The following COMMD1 variants were observed in gnomAD, a reference collection of about 807,000 sequenced individuals.
COMMD1 encodes copper metabolism domain containing 1, also known as COMM domain-containing protein 1.
A neutral mutation model predicts 17.2 loss-of-function variants in COMMD1; 10 were observed. The ratio of observed to expected loss-of-function variants is 0.58; its 90% confidence interval spans 0.36 to 0.99. The LOEUF is 0.99. COMMD1 is among the 50% of genes least tolerant of loss of function. COMMD1 has a pLI of 0.01. For missense variants in COMMD1, 270 were observed against 231.8 expected (o/e 1.17, Z -1.07); for synonymous variants, 97 against 91.6 (o/e 1.06, Z -0.34).
chr2:62,100,373 C>G (rs1404106651), intron 2 of COMMD1: 1 of 152,118 alleles, frequency 6.6e-6, no homozygotes, highest in African/African-American at 2.4e-5. Context: ...TATTCTGAGC[C>G]AAATATGAGT....
chr2:61,932,882 A>G (rs1444440832), intron 1 of COMMD1, among the ~76,000 whole-genome samples: 1 of 152,216 alleles, frequency 6.6e-6, no homozygotes, highest in East Asian at 1.9e-4. Flanking sequence ...GTGCTCTTTC[A>G]GCTCTCCTGT....
intron 1 of COMMD1, among the ~76,000 whole-genome samples, chr2:61,939,326 C>T (rs1263203334): frequency 6.6e-6 from 1 of 150,436 alleles, no homozygotes; most frequent in Non-Finnish European, 1.5e-5. Flanking sequence ...ATTAGCTGGG[C>T]ATGGTGGCAG....
intron 2 of COMMD1, among the ~76,000 whole-genome samples, chr2:62,071,364 G>T (rs1671194325): frequency 6.6e-6 from 1 of 152,230 alleles, no homozygotes; most frequent in South Asian, 2.1e-4. Context: ...GACTTGGAGG[G>T]ATTTGTCTGG....
chr2:61,923,608 A>T (rs1166586982), intron 1 of COMMD1, among the ~76,000 whole-genome samples: 1 of 152,136 alleles, frequency 6.6e-6, no homozygotes, highest in African/African-American at 2.4e-5. Flanking sequence ...GTCCAAGGAT[A>T]CCAAGGTCAC....
At chr2:61,888,875 G>C (rs1669338232) in intron 1 of COMMD1, 5 of 253,762 alleles carry the variant, frequency 2.0e-5, no homozygotes, top group African/African-American at 6.9e-5. Flanking sequence ...ACTCCACCTT[G>C]CACGGCTATG....
chr2:62,066,899 T>C (rs1337947144), intron 2 of COMMD1, among the ~76,000 whole-genome samples: 1 of 151,500 alleles, frequency 6.6e-6, no homozygotes, highest in East Asian at 2.0e-4. Context: ...CTAAGTTTTG[T>C]ATTTTTAGTA....
intron 2 of COMMD1, among the ~76,000 whole-genome samples, chr2:62,127,203 A>G (rs562891141): frequency 6.6e-6 from 1 of 152,218 alleles, no homozygotes; most frequent in Admixed American, 6.5e-5. Context: ...AGAACTACAG[A>G]CCACTGCTCA....
intron 1 of COMMD1, among the ~76,000 whole-genome samples, chr2:61,919,143 C>T (rs923512559): frequency 3.9e-5 from 6 of 152,140 alleles, no homozygotes; most frequent in Non-Finnish European, 7.3e-5. Context: ...TCCCGTGTAG[C>T]TGGGATTACA....
At chr2:61,916,767 T>G (rs536823407) in intron 1 of COMMD1, among the ~76,000 whole-genome samples, 19 of 152,244 alleles carry the variant, frequency 1.2e-4, no homozygotes. Context: ...TCAACTGTGA[T>G]TTTAAAATGC....
chr2:62,087,737 A>T (rs1442336227), intron 2 of COMMD1, among the ~76,000 whole-genome samples: 1 of 152,208 alleles, frequency 6.6e-6, no homozygotes, highest in African/African-American at 2.4e-5. Flanking sequence ...ACAAGAGTGA[A>T]ACTCCCTCTC....
In COMMD1 at chr2:61,905,780, G is replaced by T. The variant is rs764015502; in HGVS notation, c.102G>T (p.Leu34=). ...FHGYPGITEE[L]LRSQLYPEVP... is the part of the protein sequence containing the mutation. ...GGTACCCCGGCATCACAGAGGAGCT[G>T]CTACGGAGCCAGCTATATCCAGAGG... is the stretch of plus-strand genomic sequence containing the variant. The change falls in exon 1 of 3, where the codon CTG becomes CTT. Residue 34 remains leucine, a synonymous_variant. Coordinates refer to ENST00000311832, the MANE Select transcript of COMMD1 (RefSeq NM_152516.4). The T allele has an allele frequency of 1.9e-6, 3 of 1,614,068 alleles. No individual in the cohort carries two copies.
intron 2 of COMMD1, among the ~76,000 whole-genome samples, chr2:62,111,107 C>T (rs770401885): frequency 1.6e-4 from 24 of 152,096 alleles, no homozygotes; most frequent in Non-Finnish European, 3.4e-4. Flanking sequence ...GATATCTTTA[C>T]GAATGGAGAT....
At chr2:62,023,051 A>C (rs766656321) in intron 2 of COMMD1, among the ~76,000 whole-genome samples, 85 of 152,276 alleles carry the variant, frequency 5.6e-4, no homozygotes, top group Non-Finnish European at 9.3e-4. Context: ...ACATGGTGAA[A>C]CCTCGACTCT....
At chr2:62,135,520 T>G (rs561333312) in intron 2 of COMMD1, among the ~76,000 whole-genome samples, 6 of 151,890 alleles carry the variant, frequency 4.0e-5, no homozygotes, top group Middle Eastern at 6.8e-3. Context: ...CCTGGCTAAT[T>G]TTTTATATTT....
chr2:62,124,648 C>G (rs1672842244), intron 2 of COMMD1, among the ~76,000 whole-genome samples: 1 of 152,152 alleles, frequency 6.6e-6, no homozygotes, highest in Admixed American at 6.5e-5. Flanking sequence ...CTCCTGGGTT[C>G]AAGTGATTCT....
At chr2:62,070,414 C>G (rs528504252) in intron 2 of COMMD1, 4 of 151,870 alleles carry the variant, frequency 2.6e-5, no homozygotes, top group Admixed American at 2.6e-4. Context: ...AAAAATTAGC[C>G]AGGCATGGTG....
At chr2:62,055,032 A>G (rs1177880444) in intron 2 of COMMD1, among the ~76,000 whole-genome samples, 1 of 152,220 alleles carries the variant, frequency 6.6e-6, no homozygotes, top group African/African-American at 2.4e-5. Context: ...ACAGATTAAC[A>G]TTGGCAGAGA....
intron 1 of COMMD1, among the ~76,000 whole-genome samples, chr2:61,989,842 G>A (rs1672200953): frequency 6.6e-6 from 1 of 152,282 alleles, no homozygotes; most frequent in African/African-American, 2.4e-5. Context: ...CTGTGTTCCA[G>A]TTTTGCAGAC....
At chr2:62,064,235 G>A (rs535017493) in intron 2 of COMMD1, among the ~76,000 whole-genome samples, 3 of 151,990 alleles carry the variant, frequency 2.0e-5, no homozygotes, top group East Asian at 3.9e-4. Flanking sequence ...GTGCAGTGGC[G>A]TGATCTCAGC....
Sources: gnomAD v4.1 joint callset for allele counts (sites outside exome capture counted in the v4.1 genomes callset) on GRCh38, gnomAD v4.1.1 for gene constraint, MANE v1.5 for transcripts, NCBI Gene and HGNC (gene_info 2026-07-23, HGNC 2026-07-21) for gene names.